DPP10: variants seen among roughly 807,000 people sequenced by gnomAD.
The protein encoded by DPP10 is dipeptidyl peptidase like 10.
Under a neutral mutation model 120.9 loss-of-function variants are expected in DPP10, and 33 were observed. The ratio of observed to expected loss-of-function variants is 0.27; its 90% CI spans 0.21 to 0.37. DPP10 has a LOEUF of 0.37. Among genes scored for constraint, DPP10 ranks in the 10% least tolerant of loss-of-function variants. DPP10 has a pLI of 1.00. For synonymous variants in DPP10, 337 were observed against 326.1 expected (o/e 1.03, Z -0.36); for missense variants, 816 against 942.8 (o/e 0.87, Z 1.76).
intron 12 of DPP10, 74 bp from the exon 13 acceptor site, chr2:115,768,223 A>G (rs984713216): frequency 4.7e-6 from 6 of 1,266,190 alleles, no homozygotes; most frequent in Non-Finnish European, 6.8e-6. Flanking sequence ...TAACCCATGC[A>G]GGAATTAACA....
chr2:115,000,203 C>T (rs955602400), intron 1 of DPP10, among the ~76,000 whole-genome samples: 5 of 151,620 alleles, frequency 3.3e-5, no homozygotes, highest in African/African-American at 9.7e-5. Context: ...AGATTTTTAT[C>T]TTGTTTTTAA....
intron 1 of DPP10, among the ~76,000 whole-genome samples, chr2:115,293,380 A>G (rs1039761807): frequency 1.3e-5 from 2 of 152,146 alleles, no homozygotes; most frequent in African/African-American, 4.8e-5. Flanking sequence ...CATGGAAATC[A>G]GAGTGGGCAA....
chr2:115,659,545 G>A (rs567408096), intron 5 of DPP10, among the ~76,000 whole-genome samples: 1 of 152,100 alleles, frequency 6.6e-6, no homozygotes, highest in Non-Finnish European at 1.5e-5. Flanking sequence ...AAATGTGTTT[G>A]TTGTTTTGAT....
chr2:114,479,339 G>T (rs1680800013), intron 1 of DPP10, among the ~76,000 whole-genome samples: 1 of 151,802 alleles, frequency 6.6e-6, no homozygotes, highest in Admixed American at 6.6e-5. Flanking sequence ...CCTGTTTTAA[G>T]GCTTACTGTA....
intron 9 of DPP10, among the ~76,000 whole-genome samples, chr2:115,743,685 C>T (rs892872609): frequency 3.3e-4 from 47 of 140,938 alleles, no homozygotes; most frequent in African/African-American, 1.1e-3. Flanking sequence ...GACAGGAAAC[C>T]TTCAACTCAA....
chr2:114,579,824 C>CT (rs35609044), intron 1 of DPP10, among the ~76,000 whole-genome samples: 95 of 151,896 alleles, frequency 6.3e-4, no homozygotes, highest in East Asian at 3.1e-3. Flanking sequence ...ATAAAAATGC[C>CT]TTTTTTTTAC....
chr2:114,660,992 A>C (rs1304511508), intron 1 of DPP10, among the ~76,000 whole-genome samples: 1 of 152,228 alleles, frequency 6.6e-6, no homozygotes, highest in Non-Finnish European at 1.5e-5. Context: ...GCATTTTTGA[A>C]AAATATTTCT....
chr2:114,821,135 G>T (rs1000070045), intron 1 of DPP10, among the ~76,000 whole-genome samples: 1 of 152,178 alleles, frequency 6.6e-6, no homozygotes, highest in Non-Finnish European at 1.5e-5. Flanking sequence ...GGAGGAGGTG[G>T]TGTCTGATTT....
intron 1 of DPP10, among the ~76,000 whole-genome samples, chr2:115,267,705 A>T (rs1185206106): frequency 6.6e-6 from 1 of 151,916 alleles, no homozygotes. Flanking sequence ...CCACATGCTT[A>T]TTCTTCTCCT....
chr2:115,806,851 C>T (rs1406274223), intron 19 of DPP10, among the ~76,000 whole-genome samples: 2 of 151,950 alleles, frequency 1.3e-5, no homozygotes, highest in African/African-American at 4.8e-5. Context: ...CCCCCCACCC[C>T]CAGTTCCTGA....
intron 1 of DPP10, among the ~76,000 whole-genome samples, chr2:114,634,532 G>C (rs576437828): frequency 6.6e-6 from 1 of 151,750 alleles, no homozygotes; most frequent in Non-Finnish European, 1.5e-5. Flanking sequence ...CTTTGCAAAC[G>C]GCCTATTAAA....
intron 12 of DPP10, among the ~76,000 whole-genome samples, chr2:115,764,122 T>C (rs1680428708): frequency 6.6e-6 from 1 of 150,626 alleles, no homozygotes; most frequent in Non-Finnish European, 1.5e-5. Flanking sequence ...CAATTATTGC[T>C]ATGATTTTTT....
chr2:115,166,114 G>T (rs1021500797), intron 1 of DPP10, among the ~76,000 whole-genome samples: 3 of 152,120 alleles, frequency 2.0e-5, no homozygotes, highest in Non-Finnish European at 2.9e-5. Flanking sequence ...TTGGTATTCA[G>T]TATTTTTATT....
intron 1 of DPP10, among the ~76,000 whole-genome samples, chr2:114,625,487 C>A (rs535932614): frequency 8.6e-5 from 13 of 151,908 alleles, no homozygotes; most frequent in African/African-American, 2.9e-4. Context: ...TATTTTAATT[C>A]TATCATTTCT....
intron 21 of DPP10, among the ~76,000 whole-genome samples, chr2:115,831,639 T>G (rs917813363): frequency 6.6e-6 from 1 of 152,200 alleles, no homozygotes; most frequent in African/African-American, 2.4e-5. Context: ...ACAGCAAACA[T>G]AAATTTTGAG....
intron 7 of DPP10, among the ~76,000 whole-genome samples, chr2:115,708,173 A>G (rs991986238): frequency 2.0e-5 from 3 of 151,958 alleles, no homozygotes; most frequent in Non-Finnish European, 4.4e-5. Context: ...GTAGTAGAAT[A>G]ATGTTGGTAT....
chr2:115,034,475 T>C (rs893820276), intron 1 of DPP10, among the ~76,000 whole-genome samples: 1 of 152,294 alleles, frequency 6.6e-6, no homozygotes, highest in Admixed American at 6.5e-5. Flanking sequence ...CTAAATGCTA[T>C]GTGGGCTTCT....
chr2:115,764,005 T>C (rs1680416339), intron 12 of DPP10, among the ~76,000 whole-genome samples: 1 of 152,184 alleles, frequency 6.6e-6, no homozygotes, highest in African/African-American at 2.4e-5. Context: ...TTTCAAACCT[T>C]GGCTTAAATC....
At chr2:115,189,972 TC>T in intron 1 of DPP10, among the ~76,000 whole-genome samples, 1 of 152,292 alleles carries the variant, frequency 6.6e-6, no homozygotes, top group Middle Eastern at 3.4e-3. Flanking sequence ...TTGTTATACT[TC>T]CATCAGGGGT....
Sources: gnomAD v4.1 joint callset for allele counts (sites outside exome capture counted in the v4.1 genomes callset) on GRCh38, gnomAD v4.1.1 for gene constraint, MANE v1.5 for transcripts, NCBI Gene and HGNC (gene_info 2026-07-23, HGNC 2026-07-21) for gene names.